ATP2B2: variants seen among roughly 807,000 people sequenced by gnomAD.
The protein encoded by ATP2B2 is ATPase plasma membrane Ca2+ transporting 2.
A neutral mutation model predicts 120.0 loss-of-function variants in ATP2B2; 15 were observed. The ratio of observed to expected loss-of-function variants is 0.12; its 90% CI spans 0.08 to 0.19. ATP2B2 has a LOEUF of 0.19. Among genes scored for constraint, ATP2B2 ranks in the 10% least tolerant of loss-of-function variants. The pLI is 1.00. For missense variants in ATP2B2, 1,045 were observed against 1,719.8 expected (o/e 0.61, Z 6.94); for synonymous variants, 694 against 700.3 (o/e 0.99, Z 0.14).
At chr3:10,553,363 AG>A (rs1334328899) in intron 2 of ATP2B2, among the ~76,000 whole-genome samples, 3 of 152,162 alleles carry the variant, frequency 2.0e-5, no homozygotes, top group African/African-American at 7.2e-5. Flanking sequence ...ACCTTGAAAA[AG>A]CTAGGTGAAA....
chr3:10,401,187 T>A, intron 4 of ATP2B2, 109 bp from the exon 5 acceptor site: 1 of 1,429,292 alleles, frequency 7.0e-7, no homozygotes, highest in Non-Finnish European at 9.5e-7. Flanking sequence ...AGGGACAGAA[T>A]GCCTAGAGCT....
At chr3:10,612,839 C>T (rs548369649) in intron 2 of ATP2B2, among the ~76,000 whole-genome samples, 1 of 152,330 alleles carries the variant, frequency 6.6e-6, no homozygotes, top group South Asian at 2.1e-4. Flanking sequence ...TATAATAAAA[C>T]TTTGACAGGC....
intron 2 of ATP2B2, among the ~76,000 whole-genome samples, chr3:10,436,525 A>G (rs2063484990): frequency 6.6e-6 from 1 of 152,240 alleles, no homozygotes. Flanking sequence ...TGGAATCCTG[A>G]GCTATACAAG....
chr3:10,598,079 G>A (rs35550194), intron 2 of ATP2B2, among the ~76,000 whole-genome samples: 6,322 of 152,232 alleles, frequency 0.042, 180 homozygotes, highest in South Asian at 0.1. Flanking sequence ...TGAGACAAAC[G>A]GGAAAAGACC....
At chr3:10,582,587 C>T (rs1214628045) in intron 2 of ATP2B2, among the ~76,000 whole-genome samples, 2 of 152,218 alleles carry the variant, frequency 1.3e-5, no homozygotes, top group African/African-American at 4.8e-5. Flanking sequence ...GGCAGAAGGT[C>T]TGCAGTTGGG....
intron 2 of ATP2B2, among the ~76,000 whole-genome samples, chr3:10,545,396 G>C (rs566939558): frequency 9.9e-5 from 15 of 152,120 alleles, no homozygotes; most frequent in African/African-American, 3.6e-4. Flanking sequence ...GGGCATGATG[G>C]TGGGTGCCTG....
At chr3:10,674,209 G>A in intron 1 of ATP2B2, among the ~76,000 whole-genome samples, 1 of 152,114 alleles carries the variant, frequency 6.6e-6, no homozygotes, top group Non-Finnish European at 1.5e-5. Flanking sequence ...TCTCCCTTTG[G>A]GAAATTTACT....
At chr3:10,552,152 C>T (rs980138238) in intron 2 of ATP2B2, among the ~76,000 whole-genome samples, 2 of 152,212 alleles carry the variant, frequency 1.3e-5, no homozygotes, top group Non-Finnish European at 2.9e-5. Flanking sequence ...TTCCCACGGC[C>T]GCCGCCTCGG....
intron 8 of ATP2B2, among the ~76,000 whole-genome samples, chr3:10,382,343 TATA>T (rs913341115): frequency 1.3e-5 from 2 of 149,890 alleles, no homozygotes; most frequent in African/African-American, 4.9e-5. Context: ...GCCCATGATG[TATA>T]ATTTTTTTTT....
chr3:10,647,810 G>C (rs2070359600), intron 1 of ATP2B2, among the ~76,000 whole-genome samples: 1 of 152,206 alleles, frequency 6.6e-6, no homozygotes, highest in Admixed American at 6.5e-5. Flanking sequence ...GAGCAGGCAG[G>C]TGAAGAGATA....
At chr3:10,633,326 C>T (rs562226051) in intron 1 of ATP2B2, among the ~76,000 whole-genome samples, 1 of 152,314 alleles carries the variant, frequency 6.6e-6, no homozygotes, top group East Asian at 1.9e-4. Flanking sequence ...CCAGGGTTGC[C>T]ATCCACTGAT....
chr3:10,602,223 G>T (rs1467771213), intron 2 of ATP2B2, among the ~76,000 whole-genome samples: 1 of 152,172 alleles, frequency 6.6e-6, no homozygotes, highest in African/African-American at 2.4e-5. Flanking sequence ...CAGAATGTGG[G>T]GGTCTGTTCT....
upstream of ATP2B2, among the ~76,000 whole-genome samples, chr3:10,506,039 CG>C (rs1342920598): frequency 1.3e-5 from 2 of 151,910 alleles, no homozygotes; most frequent in Non-Finnish European, 2.9e-5. Flanking sequence ...GGCCCCAAGT[CG>C]TCCCTTGCTT....
intron 2 of ATP2B2, among the ~76,000 whole-genome samples, chr3:10,424,123 G>A (rs1172963270): frequency 2.6e-5 from 4 of 152,230 alleles, no homozygotes; most frequent in East Asian, 3.8e-4. Flanking sequence ...CAAGAAATGA[G>A]CACATGTGCT....
chr3:10,708,072 C>T (rs1304243504), upstream of ATP2B2: 7 of 143,886 alleles, frequency 4.9e-5, no homozygotes, highest in Non-Finnish European at 7.7e-5. Context: ...GCCCGCCCGC[C>T]TCCCTCCCTC....
chr3:10,515,694 C>A (rs1359729993), intron 3 of ATP2B2, among the ~76,000 whole-genome samples: 1 of 152,212 alleles, frequency 6.6e-6, no homozygotes, highest in Middle Eastern at 3.2e-3. Flanking sequence ...CTGAGCTCCA[C>A]CACTCACTGA....
chr3:10,370,953 G>C lies in ATP2B2; in HGVS notation c.1659+856C>G, dbSNP rs950051979. Reference sequence around the variant, plus strand: ...CAGCATGGTGAGTCTAGACAGCTTAGCTGAGACAGTAGGTTGAGAGTTTTT... The same window carrying C: ...CAGCATGGTGAGTCTAGACAGCTTACCTGAGACAGTAGGTTGAGAGTTTTT... On this transcript the variant is annotated intron_variant, in intron 12 of 22. Coordinates refer to ENST00000360273, the MANE Select transcript of ATP2B2 (RefSeq NM_001001331.4). 2.6e-5 allele frequency among the ~76,000 whole-genome samples: 4 copies of C among 152,228 alleles called. No individual in the cohort carries two copies. In the East Asian group the frequency reaches 5.8e-4, roughly 22 times the overall value.
At chr3:10,429,954 C>T (rs1482741446) in intron 2 of ATP2B2, among the ~76,000 whole-genome samples, 1 of 152,196 alleles carries the variant, frequency 6.6e-6, no homozygotes, top group African/African-American at 2.4e-5. Flanking sequence ...AATCCAGAAG[C>T]CCTAACTCTC....
chr3:10,507,415 A>G (rs774056185), upstream of ATP2B2, among the ~76,000 whole-genome samples: 8 of 152,038 alleles, frequency 5.3e-5, no homozygotes, highest in Non-Finnish European at 7.4e-5. Flanking sequence ...GCTCCACCCC[A>G]GGGACCAGGG....
Sources: allele counts gnomAD v4.1 joint callset (sites outside exome capture counted in the v4.1 genomes callset), GRCh38; gene constraint gnomAD v4.1.1; transcripts MANE v1.5; gene names NCBI Gene and HGNC (gene_info 2026-07-23, HGNC 2026-07-21).